HMGB1: variants seen among roughly 807,000 people sequenced by gnomAD.
HMGB1 encodes high mobility group box 1.
For synonymous variants in HMGB1, 81 were observed against 84.0 expected, an observed-to-expected ratio of 0.96 and a Z score of 0.19; for missense variants, 79 against 253.5, an observed-to-expected ratio of 0.31 and a Z score of 4.67.
chr13:30,522,523 A>G (rs1384679182), intron 1 of HMGB1, among the ~76,000 whole-genome samples: 1 of 152,130 alleles, frequency 6.6e-6, no homozygotes, highest in Non-Finnish European at 1.5e-5. Flanking sequence ...ATTAGAGGTA[A>G]ACTGGGGAGG....
rs71434794 is a variant in HMGB1, at chr13:30,474,906, A to G, written c.-14-11212T>C. Among the ~76,000 whole-genome samples the G allele has an allele frequency of 2.5e-3, 328 of 128,960 alleles. 1 individual carries two copies. Among genetic ancestry groups the G allele is most frequent in the Middle Eastern group, 5.7e-3 (1 of 176 alleles). The allele number at this position is 128,960 out of a possible 152,430, so 84.6% of individuals were successfully genotyped here. ...GCTCTTTCGCCTAGGCTGGAGTGCA[A>G]TGGTGCAACCTTGGCTCACTCTCTT... On this transcript the variant is annotated intron_variant, in intron 1 of 4. Transcript: ENST00000405805.
chr13:30,560,535 G>A (rs1006173548), intron 1 of HMGB1, among the ~76,000 whole-genome samples: 4 of 152,106 alleles, frequency 2.6e-5, no homozygotes, highest in Non-Finnish European at 5.9e-5. Context: ...ATGTGGAGTC[G>A]AGGGGCTGTT....
chr13:30,565,532 C>T (rs1047340903), intron 1 of HMGB1, among the ~76,000 whole-genome samples: 2 of 152,300 alleles, frequency 1.3e-5, no homozygotes, highest in East Asian at 1.9e-4. Context: ...CATAATACTG[C>T]CTGAAATCCT....
At chr13:30,512,526 C>T (rs1566011316) in intron 1 of HMGB1, among the ~76,000 whole-genome samples, 2 of 152,228 alleles carry the variant, frequency 1.3e-5, no homozygotes, top group African/African-American at 2.4e-5. Context: ...CCTGGAGCAG[C>T]TTGTTTTTCA....
intron 1 of HMGB1, chr13:30,465,026 C>G (rs1886673327): frequency 3.0e-6 from 1 of 333,686 alleles, no homozygotes; most frequent in Admixed American, 6.8e-5. Context: ...GCCGCCCCCG[C>G]ACGGAGAACG....
At chr13:30,493,479 G>A (rs970870494) in intron 1 of HMGB1, among the ~76,000 whole-genome samples, 1 of 152,156 alleles carries the variant, frequency 6.6e-6, no homozygotes, top group Non-Finnish European at 1.5e-5. Context: ...CTGAACCTTG[G>A]TTGTGGTGGG....
chr13:30,609,182 G>A (rs753934599), intron 1 of HMGB1, among the ~76,000 whole-genome samples: 10 of 152,224 alleles, frequency 6.6e-5, no homozygotes, highest in Non-Finnish European at 1.3e-4. Context: ...AGAATGGCGT[G>A]AACCCGGAAG....
At chr13:30,466,141 G>GCAGAGC (rs1257314182), upstream of HMGB1, among the ~76,000 whole-genome samples, 2 of 152,198 alleles carry the variant, frequency 1.3e-5, no homozygotes, top group Non-Finnish European at 2.9e-5. Flanking sequence ...AGAGGCAGAG[G>GCAGAGC]CAGCAGCTGC....
At chr13:30,612,061 C>A (rs767339289) in intron 1 of HMGB1, among the ~76,000 whole-genome samples, 1 of 151,992 alleles carries the variant, frequency 6.6e-6, no homozygotes, top group African/African-American at 2.4e-5. Context: ...GTACTAGGCA[C>A]TATATAGATG....
intron 1 of HMGB1, among the ~76,000 whole-genome samples, chr13:30,472,631 A>C (rs1055820196): frequency 6.6e-6 from 1 of 152,086 alleles, no homozygotes; most frequent in Non-Finnish European, 1.5e-5. Flanking sequence ...AGAAAACAAC[A>C]ACAACAACAA....
chr13:30,565,489 G>A (rs1870148392), intron 1 of HMGB1, among the ~76,000 whole-genome samples: 2 of 152,212 alleles, frequency 1.3e-5, no homozygotes, highest in African/African-American at 4.8e-5. Context: ...AAAAATATAT[G>A]TGCCCAAACT....
intron 1 of HMGB1, among the ~76,000 whole-genome samples, chr13:30,601,878 C>T (rs1950406120): frequency 6.7e-6 from 1 of 149,890 alleles, no homozygotes; most frequent in Non-Finnish European, 1.5e-5. Context: ...TGGTAGAATG[C>T]AGCAGAACTG....
At chr13:30,565,512 C>T (rs1246391577) in intron 1 of HMGB1, among the ~76,000 whole-genome samples, 1 of 152,220 alleles carries the variant, frequency 6.6e-6, no homozygotes, top group Non-Finnish European at 1.5e-5. Context: ...CTAAATATTT[C>T]CTGTCACTTC....
At chr13:30,463,162 T>C (rs746679366) in intron 3 of HMGB1, 45 bp downstream of exon 3, 1 of 1,572,146 alleles carries the variant, frequency 6.4e-7, no homozygotes, top group African/African-American at 1.4e-5. Context: ...TCTCAGATTC[T>C]ACTGTAAAAC....
intron 4 of HMGB1, 185 bp from the exon 5 acceptor site, chr13:30,461,718 T>A: frequency 7.0e-7 from 1 of 1,427,718 alleles, no homozygotes; most frequent in Non-Finnish European, 9.7e-7. Context: ...AAATACAAGA[T>A]CATTATAACA....
chr13:30,514,878 T>A (rs1231820933), intron 1 of HMGB1, among the ~76,000 whole-genome samples: 1 of 152,168 alleles, frequency 6.6e-6, no homozygotes, highest in Admixed American at 6.6e-5. Context: ...TCTAAGATGA[T>A]CCTCGATGAC....
chr13:30,484,815 G>A (rs1887326456), intron 1 of HMGB1, among the ~76,000 whole-genome samples: 1 of 151,760 alleles, frequency 6.6e-6, no homozygotes, highest in Non-Finnish European at 1.5e-5. Context: ...GAAAAGAGAA[G>A]GGAAGAGAAG....
intron 1 of HMGB1, among the ~76,000 whole-genome samples, chr13:30,475,552 G>T (rs535881310): frequency 6.6e-6 from 1 of 151,548 alleles, no homozygotes; most frequent in African/African-American, 2.4e-5. Context: ...AATTCCCTGG[G>T]TGTGGTGGTG....
intron 1 of HMGB1, chr13:30,543,129 T>G (rs1400545828): frequency 1.3e-5 from 2 of 148,220 alleles, no homozygotes; most frequent in Non-Finnish European, 3.0e-5. Flanking sequence ...TTTTTTTTTT[T>G]TTTTTTTTTT....
Sources: allele counts gnomAD v4.1 joint callset (sites outside exome capture counted in the v4.1 genomes callset), GRCh38; gene constraint gnomAD v4.1.1; transcripts MANE v1.5; gene names NCBI Gene and HGNC (gene_info 2026-07-23, HGNC 2026-07-21).